Variants in ATG10 observed in about 807,000 individuals in gnomAD.
ATG10 encodes ubiquitin-like-conjugating enzyme ATG10.
Under a neutral mutation model 32.1 loss-of-function variants are expected in ATG10, and 30 were observed. That is an observed-to-expected ratio of 0.94 (90% CI 0.70 to 1.27). The LOEUF (loss-of-function observed/expected upper bound fraction) is 1.27. Among genes scored for constraint, ATG10 ranks in the 50% most tolerant of loss-of-function variants. ATG10 has a pLI of 0.00. For synonymous variants in ATG10, 87 were observed against 91.5 expected, an observed-to-expected ratio of 0.95 and a Z score of 0.28; for missense variants, 233 against 262.3, an observed-to-expected ratio of 0.89 and a Z score of 0.77.
At chr5:82,034,150 C>G (rs1762839101) in intron 2 of ATG10, among the ~76,000 whole-genome samples, 1 of 151,842 alleles carries the variant, frequency 6.6e-6, no homozygotes, top group Middle Eastern at 3.4e-3. Context: ...TTGTATCCAA[C>G]AACCAAATTG....
At chr5:82,144,014 A>G (rs1317049524) in intron 3 of ATG10, among the ~76,000 whole-genome samples, 1 of 152,190 alleles carries the variant, frequency 6.6e-6, no homozygotes, top group Non-Finnish European at 1.5e-5. Context: ...CTTTAAAGAT[A>G]TAGAGCTATT....
intron 2 of ATG10, among the ~76,000 whole-genome samples, chr5:81,993,867 A>G (rs926183210): frequency 5.9e-5 from 9 of 152,214 alleles, no homozygotes; most frequent in African/African-American, 2.2e-4. Flanking sequence ...AAGTGTATTT[A>G]GCACCAAATA....
rs1483338090 is a variant in ATG10, at chr5:81,983,727, G to A, written c.-12-3832G>A. 4.0e-3 allele frequency among the ~76,000 whole-genome samples: 594 copies of A among 149,286 alleles called. 12 individuals carry two copies. The highest frequency in any genetic ancestry group is 0.014 in the African/African-American group (566 of 39,144). On this transcript the variant is annotated intron_variant, in intron 1 of 7. Coordinates refer to ENST00000282185, the MANE Select transcript of ATG10 (RefSeq NM_031482.5). Reference sequence around the variant, plus strand: ...CAGATGGGGTGGCTGCCGGGCGTAGGGGCTTCTCACTTCTCAGACAGGGCG... The same window carrying A: ...CAGATGGGGTGGCTGCCGGGCGTAGAGGCTTCTCACTTCTCAGACAGGGCG...
intron 3 of ATG10, among the ~76,000 whole-genome samples, chr5:82,110,543 A>G (rs1339295808): frequency 6.6e-6 from 1 of 152,130 alleles, no homozygotes; most frequent in Non-Finnish European, 1.5e-5. Context: ...CATTTCTCTG[A>G]TGACCAGTGA....
chr5:82,098,793 C>T (rs1765161648), intron 3 of ATG10, among the ~76,000 whole-genome samples: 1 of 152,202 alleles, frequency 6.6e-6, no homozygotes, highest in South Asian at 2.1e-4. Context: ...TTCACAAGTG[C>T]TGCTGAATAG....
At chr5:82,111,157 T>C (rs1765607419) in intron 3 of ATG10, among the ~76,000 whole-genome samples, 1 of 152,050 alleles carries the variant, frequency 6.6e-6, no homozygotes, top group African/African-American at 2.4e-5. Context: ...TATCAAACTT[T>C]ATAACATTTA....
chr5:81,997,012 T>C (rs1278600120), intron 2 of ATG10, among the ~76,000 whole-genome samples: 1 of 152,080 alleles, frequency 6.6e-6, no homozygotes, highest in Non-Finnish European at 1.5e-5. Context: ...AGCATCCCTC[T>C]GACACCAGTG....
intron 3 of ATG10, among the ~76,000 whole-genome samples, chr5:82,103,025 G>A (rs993327487): frequency 9.2e-5 from 14 of 152,074 alleles, no homozygotes; most frequent in African/African-American, 3.4e-4. Context: ...TAAAAAAAGG[G>A]GACTTGATTA....
chr5:82,021,734 G>GC (rs1762443488), intron 2 of ATG10, among the ~76,000 whole-genome samples: 1 of 151,656 alleles, frequency 6.6e-6, no homozygotes, highest in Non-Finnish European at 1.5e-5. Context: ...TACAAAATTA[G>GC]CTGGGCGTGG....
chr5:82,111,702 G>A (rs753847921), intron 3 of ATG10, among the ~76,000 whole-genome samples: 27 of 151,938 alleles, frequency 1.8e-4, no homozygotes, highest in South Asian at 2.1e-4. Flanking sequence ...TGTAGAACTA[G>A]TAGATGAAAA....
At chr5:82,157,157 G>T (rs910713646) in intron 3 of ATG10, among the ~76,000 whole-genome samples, 8 of 152,150 alleles carry the variant, frequency 5.3e-5, no homozygotes, top group Admixed American at 4.6e-4. Flanking sequence ...CTTCCTCTCA[G>T]TGGGAACCCA....
intron 3 of ATG10, among the ~76,000 whole-genome samples, chr5:82,131,697 C>T (rs1173735642): frequency 2.6e-5 from 4 of 151,244 alleles, no homozygotes; most frequent in Admixed American, 6.6e-5. Context: ...GATTGTCTGC[C>T]CTGTGCCTCT....
intron 3 of ATG10, among the ~76,000 whole-genome samples, chr5:82,130,056 C>A (rs1163489558): frequency 1.3e-5 from 2 of 152,182 alleles, no homozygotes; most frequent in Admixed American, 1.3e-4. Flanking sequence ...GAGGAGGAAC[C>A]TAGAGAGACA....
At chr5:82,202,483 ATC>A (rs776449834) in intron 5 of ATG10, among the ~76,000 whole-genome samples, 1 of 152,224 alleles carries the variant, frequency 6.6e-6, no homozygotes, top group Non-Finnish European at 1.5e-5. Context: ...CTTGAAATAA[ATC>A]TCTGTCTCTC....
Position 82,011,233 on chromosome 5 carries a change from G to A in ATG10, c.108+23555G>A, listed in dbSNP as rs187134750. On this transcript the variant is annotated intron_variant, in intron 2 of 7. Transcript: ENST00000282185. The stretch of plus-strand genomic sequence containing the variant: ...TTTCTAGATGGCTCCACCAACCTCC[G>A]ACTCAGGCCATGACCCTGAAGGTTT... 1.4e-4 allele frequency among the ~76,000 whole-genome samples: 21 copies of A among 151,780 alleles called. No homozygotes were observed. The East Asian group carries it at 1.9e-3, about 14-fold the overall frequency.
At chr5:82,164,087 T>A (rs1743478689) in intron 3 of ATG10, among the ~76,000 whole-genome samples, 1 of 152,194 alleles carries the variant, frequency 6.6e-6, no homozygotes, top group South Asian at 2.1e-4. Flanking sequence ...ATCATCTTGT[T>A]GCTAAAATTG....
intron 5 of ATG10, among the ~76,000 whole-genome samples, chr5:82,234,095 G>C (rs74457781): frequency 0.012 from 1,754 of 152,270 alleles, 41 homozygotes; most frequent in African/African-American, 0.04. Flanking sequence ...AGTAAGATTT[G>C]TTTGTGCAGA....
At chr5:82,131,976 G>A (rs1291109625) in intron 3 of ATG10, among the ~76,000 whole-genome samples, 1 of 151,960 alleles carries the variant, frequency 6.6e-6, no homozygotes, top group Non-Finnish European at 1.5e-5. Context: ...GAGAAAGTGA[G>A]GGGGAAATGC....
At chr5:82,175,419 T>G (rs188318067) in intron 4 of ATG10, among the ~76,000 whole-genome samples, 14 of 152,276 alleles carry the variant, frequency 9.2e-5, no homozygotes, top group South Asian at 4.1e-4. Flanking sequence ...GTGCTGAGAT[T>G]ACAGGCGTGA....
Sources: allele counts gnomAD v4.1 joint callset (sites outside exome capture counted in the v4.1 genomes callset), GRCh38; gene constraint gnomAD v4.1.1; transcripts MANE v1.5; gene names NCBI Gene and HGNC (gene_info 2026-07-23, HGNC 2026-07-21).